Variants in NRG3 observed in about 807,000 individuals in gnomAD.
NRG3 encodes pro-neuregulin-3, membrane-bound isoform.
NRG3 carries 31 observed loss-of-function variants against 66.9 expected under a neutral mutation model. The observed-to-expected ratio is 0.46, with a 90% CI of 0.35 to 0.63. The LOEUF (loss-of-function observed/expected upper bound fraction) is 0.63, where lower values mean the gene tolerates loss of function less well. Among genes scored for constraint, NRG3 ranks in the 20% least tolerant of loss-of-function variants. The pLI is 0.00. For missense variants in NRG3, 910 were observed against 878.9 expected (o/e 1.04, Z -0.45); for synonymous variants, 393 against 359.4 (o/e 1.09, Z -1.06).
chr10:82,380,669 C>A (rs1468134941), intron 2 of NRG3, among the ~76,000 whole-genome samples: 2 of 152,026 alleles, frequency 1.3e-5, no homozygotes, highest in Non-Finnish European at 2.9e-5. Context: ...CTTCATATAC[C>A]TATTTGACGG....
At chr10:82,920,377 A>C (rs1333609469) in intron 4 of NRG3, among the ~76,000 whole-genome samples, 1 of 152,170 alleles carries the variant, frequency 6.6e-6, no homozygotes, top group South Asian at 2.1e-4. Context: ...AGAATGATCC[A>C]TGTGGTAATT....
At chr10:82,885,894 C>T (rs181943907) in intron 4 of NRG3, among the ~76,000 whole-genome samples, 9 of 150,912 alleles carry the variant, frequency 6.0e-5, no homozygotes, top group East Asian at 3.9e-4. Flanking sequence ...TTTTTTTAGA[C>T]GGAGTCTCAC....
chr10:82,873,748 G>C (rs570229621), intron 4 of NRG3, among the ~76,000 whole-genome samples: 24 of 152,298 alleles, frequency 1.6e-4, no homozygotes, highest in Non-Finnish European at 3.4e-4. Flanking sequence ...GACAAGTAGA[G>C]TTGAAGATTA....
chr10:82,738,527 A>C lies in NRG3; in HGVS notation c.954-50A>C, dbSNP rs59395741. ...GGCTATTTTACTTGTTGAAATCTTAAGTCTTTCACAACCACATGCGTATGT... is the reference window on the plus strand; with the variant it reads ...GGCTATTTTACTTGTTGAAATCTTACGTCTTTCACAACCACATGCGTATGT... On this transcript the variant is annotated intron_variant, in intron 2 of 8. Transcript: ENST00000372141. The C allele has an allele frequency of 6.4e-3, 9,099 of 1,421,346 alleles. 472 individuals carry two copies. In the African/African-American group the frequency reaches 0.11, roughly 17 times the overall value. The allele number at this position is 1,421,346 out of a possible 1,614,324, so 88.0% of individuals were successfully genotyped here.
chr10:81,995,363 C>G (rs2060898238), intron 1 of NRG3, among the ~76,000 whole-genome samples: 1 of 152,152 alleles, frequency 6.6e-6, no homozygotes, highest in Non-Finnish European at 1.5e-5. Context: ...CACTTCTTCT[C>G]GTAGGTTCAC....
chr10:82,132,494 T>TATATATTATATATATATG (rs1554831211), intron 1 of NRG3, among the ~76,000 whole-genome samples: 1 of 44,380 alleles, frequency 2.3e-5, no homozygotes. Flanking sequence ...ATATATATGA[T>TATATATTATATATATATG]ATATATATAT....
intron 2 of NRG3, among the ~76,000 whole-genome samples, chr10:82,653,461 G>T (rs1020194296): frequency 2.0e-5 from 3 of 152,196 alleles, no homozygotes; most frequent in Non-Finnish European, 2.9e-5. Context: ...TGGAAATGCA[G>T]ATTGAGGGGC....
At chr10:82,915,706 T>C (rs1315586264) in intron 4 of NRG3, among the ~76,000 whole-genome samples, 1 of 152,206 alleles carries the variant, frequency 6.6e-6, no homozygotes, top group Non-Finnish European at 1.5e-5. Flanking sequence ...GTAAATGTGC[T>C]GTACAAAAGT....
intron 2 of NRG3, among the ~76,000 whole-genome samples, chr10:82,648,879 T>C (rs1322315327): frequency 1.3e-5 from 2 of 152,194 alleles, no homozygotes; most frequent in South Asian, 4.1e-4. Flanking sequence ...TTTGCTGAAG[T>C]TGCTGATCAG....
At chr10:82,971,952 CT>C (rs1275743478) in intron 6 of NRG3, among the ~76,000 whole-genome samples, 2 of 152,030 alleles carry the variant, frequency 1.3e-5, no homozygotes, top group African/African-American at 4.8e-5. Flanking sequence ...ATTCTGTCGA[CT>C]TTTTTCTCTG....
intron 1 of NRG3, among the ~76,000 whole-genome samples, chr10:82,107,728 G>A (rs1440244238): frequency 1.3e-5 from 2 of 152,114 alleles, no homozygotes; most frequent in Non-Finnish European, 2.9e-5. Flanking sequence ...CTCTTTTTCT[G>A]TAAAGCCATC....
At chr10:82,530,708 A>T (rs1380681160) in intron 2 of NRG3, among the ~76,000 whole-genome samples, 5 of 151,980 alleles carry the variant, frequency 3.3e-5, no homozygotes, top group Non-Finnish European at 5.9e-5. Context: ...GACTGAATGA[A>T]TTAAACATGA....
chr10:82,720,743 T>C (rs1022087354), intron 2 of NRG3, among the ~76,000 whole-genome samples: 2 of 150,346 alleles, frequency 1.3e-5, no homozygotes, highest in African/African-American at 2.5e-5. Flanking sequence ...GATGTAGAAG[T>C]TCTTTCTGAT....
At chr10:81,955,428 T>G (rs1168262051) in intron 1 of NRG3, among the ~76,000 whole-genome samples, 2 of 152,062 alleles carry the variant, frequency 1.3e-5, no homozygotes, top group African/African-American at 4.8e-5. Context: ...GAAATACCAG[T>G]GGCCATTTAT....
At chr10:82,672,231 G>T (rs571870259) in intron 2 of NRG3, among the ~76,000 whole-genome samples, 2 of 152,180 alleles carry the variant, frequency 1.3e-5, no homozygotes, top group African/African-American at 4.8e-5. Flanking sequence ...GACAGAAAGT[G>T]CAAAGGGTGC....
chr10:82,291,850 A>G (rs1005718735), intron 1 of NRG3, among the ~76,000 whole-genome samples: 1 of 152,214 alleles, frequency 6.6e-6, no homozygotes, highest in Non-Finnish European at 1.5e-5. Flanking sequence ...TATCGGCTGG[A>G]AACATAAAGC....
chr10:82,871,359 C>T (rs763041383), intron 4 of NRG3, among the ~76,000 whole-genome samples: 5 of 151,774 alleles, frequency 3.3e-5, no homozygotes, highest in Non-Finnish European at 4.4e-5. Context: ...AAGTGGGGTC[C>T]GTCTTTCAAC....
At position 81,920,968 on chromosome 10, in the gene NRG3, C is replaced by A. The variant is rs184896403; in HGVS notation, c.823+44805C>A. 1.2e-3 allele frequency among the ~76,000 whole-genome samples: 177 copies of A among 152,094 alleles called. 1 individual carries two copies. The highest frequency in any genetic ancestry group is 0.01 in the Middle Eastern group (3 of 294). ...TTGTGGCTACATGTTTACTTATATT[C>A]ATAATAACATTTTAGGATATATTTT... On this transcript the variant is annotated intron_variant, in intron 1 of 8. Transcript: ENST00000372141.
At chr10:82,749,280 C>T (rs2058765744) in intron 3 of NRG3, among the ~76,000 whole-genome samples, 1 of 151,866 alleles carries the variant, frequency 6.6e-6, no homozygotes, top group Non-Finnish European at 1.5e-5. Flanking sequence ...CATAGCATGA[C>T]TCCCCAGAGA....
Sources: gnomAD v4.1 joint callset for allele counts (sites outside exome capture counted in the v4.1 genomes callset) on GRCh38, gnomAD v4.1.1 for gene constraint, MANE v1.5 for transcripts, NCBI Gene and HGNC (gene_info 2026-07-23, HGNC 2026-07-21) for gene names.